DENND2B: variants seen among roughly 807,000 people sequenced by gnomAD.
The protein encoded by DENND2B is DENN domain-containing protein 2B.
In DENND2B, 32 loss-of-function variants were observed where a neutral mutation model predicts 116.0. The ratio of observed to expected loss-of-function variants is 0.28; its 90% CI spans 0.21 to 0.37. DENND2B has a LOEUF of 0.37. DENND2B is among the 10% of genes least tolerant of loss of function. The pLI, the probability that DENND2B is intolerant of heterozygous loss-of-function variation, is 1.00. For synonymous variants in DENND2B, 588 were observed against 583.9 expected (o/e 1.01, Z -0.10); for missense variants, 1,276 against 1,477.7 (o/e 0.86, Z 2.24).
At chr11:8,771,478 A>C (rs1394285688) in intron 1 of DENND2B, among the ~76,000 whole-genome samples, 1 of 151,724 alleles carries the variant, frequency 6.6e-6, no homozygotes, top group Non-Finnish European at 1.5e-5. Flanking sequence ...ATGAATATAT[A>C]TAGATATCTC....
chr11:8,713,523 G>A (rs541550016), intron 8 of DENND2B, among the ~76,000 whole-genome samples: 5 of 152,162 alleles, frequency 3.3e-5, no homozygotes, highest in African/African-American at 9.6e-5. Flanking sequence ...GGTATTACAC[G>A]CGCCCGCCAC....
At chr11:8,886,943 C>T (rs2063967730) in intron 1 of DENND2B, among the ~76,000 whole-genome samples, 1 of 152,146 alleles carries the variant, frequency 6.6e-6, no homozygotes, top group African/African-American at 2.4e-5. Flanking sequence ...ATTCTCCTGC[C>T]TCAGCCTCCC....
chr11:8,806,102 G>C (rs1211305192), intron 1 of DENND2B, among the ~76,000 whole-genome samples: 2 of 152,182 alleles, frequency 1.3e-5, no homozygotes, highest in African/African-American at 4.8e-5. Context: ...CTGCTCCTGA[G>C]AACTGCCTCC....
chr11:8,769,023 T>C (rs2056395652), intron 1 of DENND2B, among the ~76,000 whole-genome samples: 1 of 152,118 alleles, frequency 6.6e-6, no homozygotes, highest in Non-Finnish European at 1.5e-5. Context: ...CAGAGAATAC[T>C]GTAGTAATGT....
At chr11:8,827,181 T>C (rs1166201152) in intron 4 of DENND2B, among the ~76,000 whole-genome samples, 2 of 152,228 alleles carry the variant, frequency 1.3e-5, no homozygotes, top group Admixed American at 6.5e-5. Flanking sequence ...TGGGGCTCCT[T>C]ACCCTGGGGT....
At chr11:8,815,126 C>G (rs1472262576), upstream of DENND2B, among the ~76,000 whole-genome samples, 1 of 152,096 alleles carries the variant, frequency 6.6e-6, no homozygotes, top group Non-Finnish European at 1.5e-5. Context: ...AATGGCCCAG[C>G]TCCCACGATG....
At chr11:8,769,465 G>A (rs2056481271) in intron 1 of DENND2B, among the ~76,000 whole-genome samples, 2 of 151,940 alleles carry the variant, frequency 1.3e-5, no homozygotes, top group African/African-American at 4.8e-5. Flanking sequence ...TCACTATGTT[G>A]GCCAGGCTGG....
rs773519203 is a variant in DENND2B, at chr11:8,696,538, G to A, written c.3181C>T (p.Arg1061Cys). 3.2e-5 allele frequency: 52 copies of A among 1,614,038 alleles called. No homozygotes were observed. The highest frequency in any genetic ancestry group is 4.2e-5 in the Non-Finnish European group (49 of 1,180,046). The part of the protein sequence containing the change: ...GERAFQREAF[R>C]KSVASKSIRR... ...ATGCTTTTGGAGGCCACAGATTTGC[G>A]GAAGGCCTCTCGCTGAAAGGCCCTC... The change falls in exon 18 of 20, where the codon CGC (arginine) becomes TGC (cysteine). Residue 1061 changes from arginine to cysteine, a missense_variant. Physicochemically the swap from Arg to Cys is radical, Grantham distance 180. Around this residue, in one of 2 missense-constraint regions of DENND2B, gnomAD observed 420 missense variants for 631.1 expected, o/e 0.67. Coordinates refer to ENST00000313726, the MANE Select transcript of DENND2B (RefSeq NM_213618.2).
chr11:8,880,613 G>A (rs1418279389), intron 2 of DENND2B, among the ~76,000 whole-genome samples: 1 of 152,160 alleles, frequency 6.6e-6, no homozygotes, highest in Non-Finnish European at 1.5e-5. Context: ...AAGCCTTGAA[G>A]CAGGAGGATA....
Position 8,856,585 on chromosome 11 carries a change from CA to C in DENND2B, c.-156+757del, listed in dbSNP as rs895529261. Reference sequence around the variant, plus strand: ...TTTACTTCCACTGGTCACACGTGTCCAAAAAAAAATGTGCAAGGTTGGTTGG... The same window carrying C: ...TTTACTTCCACTGGTCACACGTGTCCAAAAAAAATGTGCAAGGTTGGTTGG... On this transcript the variant is annotated intron_variant, in intron 3 of 6. Transcript: ENST00000524757. Among the ~76,000 whole-genome samples the C allele has an allele frequency of 1.3e-4, 19 of 149,940 alleles. No individual in the cohort carries two copies. The South Asian group carries it at 3.2e-3, about 25-fold the overall frequency.
intron 1 of DENND2B, chr11:8,808,221 A>C (rs2061048911): frequency 6.6e-6 from 1 of 152,286 alleles, no homozygotes; most frequent in Non-Finnish European, 1.5e-5. Flanking sequence ...TAAACCCAGA[A>C]TGAAGGAGAA....
At chr11:8,741,120 A>G (rs572468957) in intron 2 of DENND2B, among the ~76,000 whole-genome samples, 7 of 152,192 alleles carry the variant, frequency 4.6e-5, no homozygotes, top group Non-Finnish European at 1.0e-4. Context: ...TCAGCCCCCA[A>G]CTGGGGCTAT....
chr11:8,820,639 G>A (rs2061726209), intron 4 of DENND2B, among the ~76,000 whole-genome samples: 1 of 152,000 alleles, frequency 6.6e-6, no homozygotes, highest in African/African-American at 2.4e-5. Flanking sequence ...AACCAAAAAG[G>A]TTTCTCAAAA....
Position 8,699,187 on chromosome 11 carries a change from C to A in DENND2B, c.2898+26G>T, listed in dbSNP as rs1180485923. The A allele has an allele frequency of 5.8e-6, 9 of 1,540,652 alleles. No individual in the cohort carries two copies. In the Admixed American group the frequency reaches 1.1e-4, roughly 19 times the overall value. Reference sequence around the variant, plus strand: ...ACCTGCTTCCCCCTCCACCCTTCCCCCCAGCTGGTTCCCCCGGTGGCCCAC... The same window carrying A: ...ACCTGCTTCCCCCTCCACCCTTCCCACCAGCTGGTTCCCCCGGTGGCCCAC... On this transcript the variant is annotated intron_variant, in intron 15 of 19. Coordinates refer to ENST00000313726, the MANE Select transcript of DENND2B (RefSeq NM_213618.2).
chr11:8,814,599 T>C (rs1473698085), upstream of DENND2B, among the ~76,000 whole-genome samples: 2 of 152,096 alleles, frequency 1.3e-5, no homozygotes, highest in Non-Finnish European at 2.9e-5. Context: ...TTCACAATCC[T>C]CCAATCTAAA....
At chr11:8,723,620 G>T (rs147397377) in intron 4 of DENND2B, among the ~76,000 whole-genome samples, 2 of 152,186 alleles carry the variant, frequency 1.3e-5, no homozygotes, top group African/African-American at 4.8e-5. Flanking sequence ...CTCTTGGGTG[G>T]CTGAGTAGAA....
intron 19 of DENND2B, 133 bp from the exon 20 acceptor site, chr11:8,694,263 G>T: frequency 9.3e-7 from 1 of 1,071,136 alleles, no homozygotes. Context: ...ACTGTGATCT[G>T]ATCCAGGGTA....
chr11:8,829,432 C>T (rs1305302031), intron 4 of DENND2B, among the ~76,000 whole-genome samples: 11 of 152,086 alleles, frequency 7.2e-5, no homozygotes, highest in Non-Finnish European at 1.2e-4. Flanking sequence ...ACTGGAGACC[C>T]GCCAGTCTCC....
rs1555092981 is a variant in DENND2B at position 8,698,166 on chromosome 11, A to AAAG, written c.2941-531_2941-530insCTT. 6.3e-3 allele frequency among the ~76,000 whole-genome samples: 816 copies of AAAG among 129,136 alleles called. 32 individuals carry two copies. The highest frequency in any genetic ancestry group is 0.011 in the South Asian group (40 of 3,798). 84.7% of individuals were successfully genotyped at this position (129,136 alleles called of 152,430 possible). A position where few individuals can be genotyped will look rare whatever the true frequency, so the allele number is the denominator to read the frequency against. Reference sequence around the variant, plus strand: ...AAAAAAAAAAAAAAAAAAAAAAAAAAGGGGGTAGAGCCAGTGTGGCATTCA... The same window carrying AAAG: ...AAAAAAAAAAAAAAAAAAAAAAAAAAAAGGGGGGTAGAGCCAGTGTGGCATTCA... On this transcript the variant is annotated intron_variant, in intron 16 of 19. Transcript: ENST00000313726.
Sources: gnomAD v4.1 joint callset for allele counts (sites outside exome capture counted in the v4.1 genomes callset) on GRCh38, gnomAD v4.1.1 for gene constraint, gnomAD v4.1.1 regional missense constraint, MANE v1.5 for transcripts, NCBI Gene and HGNC (gene_info 2026-07-23, HGNC 2026-07-21) for gene names.